The following GPAM variants were observed in gnomAD, a reference collection of about 807,000 sequenced individuals.
The protein encoded by GPAM is glycerol-3-phosphate acyltransferase 1, mitochondrial.
GPAM carries 56 observed loss-of-function variants against 105.0 expected under a neutral mutation model. That is an observed-to-expected ratio of 0.53 (90% CI 0.43 to 0.67). The LOEUF (loss-of-function observed/expected upper bound fraction) is 0.67. Among genes scored for constraint, GPAM ranks in the 30% least tolerant of loss-of-function variants. GPAM has a pLI of 0.00. For missense variants in GPAM, 855 were observed against 989.8 expected (o/e 0.86, Z 1.83); for synonymous variants, 368 against 354.4 (o/e 1.04, Z -0.43).
chr10:112,150,475 A>G lies in GPAM; in HGVS notation c.*3075T>C. ...TCTGCAGGGGAGGAAATACACATCT[A>G]TTCAACGCCACACTGGACGTTACAA... On this transcript the variant is annotated 3_prime_UTR_variant, in exon 22 of 22. Transcript: ENST00000348367. 2.0e-6 allele frequency: 2 copies of G among 985,422 alleles called. No homozygotes were observed. The highest frequency in any genetic ancestry group is 2.4e-6 in the Non-Finnish European group (2 of 829,546). 61.0% of individuals were successfully genotyped at this position (985,422 alleles called of 1,614,324 possible). A position where few individuals can be genotyped will look rare whatever the true frequency, so the allele number is the denominator to read the frequency against.
At chr10:112,159,739 C>T (rs1363921338) in intron 17 of GPAM, among the ~76,000 whole-genome samples, 172 bp downstream of exon 17, 2 of 152,156 alleles carry the variant, frequency 1.3e-5, no homozygotes. Context: ...ACCCAGAGAG[C>T]AAACCAAGAT....
At chr10:112,217,583 G>A (rs183259589), upstream of GPAM, among the ~76,000 whole-genome samples, 3 of 152,144 alleles carry the variant, frequency 2.0e-5, no homozygotes, top group Non-Finnish European at 4.4e-5. Flanking sequence ...GTCATTAAAG[G>A]GCTTCTCTCC....
intron 6 of GPAM, among the ~76,000 whole-genome samples, chr10:112,174,893 G>A (rs748443552): frequency 1.6e-4 from 25 of 152,096 alleles, no homozygotes; most frequent in South Asian, 4.1e-4. Flanking sequence ...CAAACATAAC[G>A]AAGAGTCTAC....
chr10:112,200,977 T>G (rs1164554228), intron 1 of GPAM, among the ~76,000 whole-genome samples: 2 of 152,248 alleles, frequency 1.3e-5, no homozygotes, highest in Admixed American at 6.5e-5. Flanking sequence ...GAATTCTGAG[T>G]GACCCTAGAG....
At chr10:112,180,905 T>A (rs1005468937) in intron 3 of GPAM, among the ~76,000 whole-genome samples, 4 of 152,198 alleles carry the variant, frequency 2.6e-5, no homozygotes, top group Non-Finnish European at 5.9e-5. Context: ...ATCTCTAGTC[T>A]AACAATTAAC....
chr10:112,162,838 G>T (rs971618362), intron 14 of GPAM, among the ~76,000 whole-genome samples: 1 of 152,178 alleles, frequency 6.6e-6, no homozygotes, highest in South Asian at 2.1e-4. Flanking sequence ...TAACAATAAG[G>T]TATTATTTTT....
Position 112,179,556 on chromosome 10 carries a change from TAACATA to T in GPAM, c.225+911_225+916del, listed in dbSNP as rs371902603. Among the ~76,000 whole-genome samples, 648 of 152,306 alleles carry T rather than the reference TAACATA, an allele frequency of 4.3e-3. 2 individuals carry two copies. The highest frequency in any genetic ancestry group is 0.015 in the African/African-American group (619 of 41,576). On this transcript the variant is annotated intron_variant, in intron 4 of 21. Coordinates refer to ENST00000348367, the MANE Select transcript of GPAM (RefSeq NM_001244949.2). ...ACATTCTTCAGCAGATCTGAACATT[TAACATA>T]AACTGCTTGGGTTCCACACAAATCT...
chr10:112,180,648 T>C (rs747233383), intron 3 of GPAM, 53 bp from the exon 4 acceptor site: 8 of 1,464,868 alleles, frequency 5.5e-6, no homozygotes, highest in African/African-American at 1.4e-5. Flanking sequence ...AGAATACTTG[T>C]CTACTTGATC....
At chr10:112,209,786 G>T (rs752498434) in intron 1 of GPAM, among the ~76,000 whole-genome samples, 22 of 152,194 alleles carry the variant, frequency 1.4e-4, no homozygotes, top group Non-Finnish European at 2.5e-4. Flanking sequence ...CTTTCCTGCA[G>T]AATGTCCAGC....
At chr10:112,159,636 G>C (rs548027751) in intron 17 of GPAM, among the ~76,000 whole-genome samples, 1 of 152,060 alleles carries the variant, frequency 6.6e-6, no homozygotes, top group Non-Finnish European at 1.5e-5. Context: ...CACACAATAC[G>C]TGCTCACTAG....
At chr10:112,223,370 T>G in the GPAM span, among the ~76,000 whole-genome samples, 8 of 152,216 alleles carry the variant, frequency 5.3e-5, no homozygotes, top group Non-Finnish European at 1.0e-4. Flanking sequence ...GTCTTGCACA[T>G]GAAAAAAATT....
intron 16 of GPAM, 134 bp from the exon 17 acceptor site, chr10:112,160,187 C>G: frequency 2.0e-6 from 2 of 978,890 alleles, no homozygotes; most frequent in Non-Finnish European, 3.1e-6. Flanking sequence ...TTAAGTAAAT[C>G]CCATAAGACT....
intron 3 of GPAM, among the ~76,000 whole-genome samples, chr10:112,181,399 GA>G (rs372748387): frequency 3.3e-5 from 5 of 151,184 alleles, no homozygotes; most frequent in African/African-American, 9.7e-5. Context: ...GAGAAAGAAA[GA>G]AAAAAAAATT....
chr10:112,223,624 T>C, the GPAM span, among the ~76,000 whole-genome samples: 25 of 152,332 alleles, frequency 1.6e-4, no homozygotes, highest in South Asian at 4.1e-4. Flanking sequence ...TCTTCCTTCC[T>C]CCTTCATGGA....
chr10:112,221,501 A>C, the GPAM span, among the ~76,000 whole-genome samples: 1 of 152,218 alleles, frequency 6.6e-6, no homozygotes, highest in Non-Finnish European at 1.5e-5. Context: ...TCTGCATTTT[A>C]ACAGAATGCC....
intron 1 of GPAM, among the ~76,000 whole-genome samples, chr10:112,207,741 C>T (rs1847867142): frequency 6.6e-6 from 1 of 152,130 alleles, no homozygotes; most frequent in African/African-American, 2.4e-5. Context: ...AAGCAAGAGA[C>T]AGGCAGAGGG....
At chr10:112,156,191 C>CT (rs1847015496) in intron 19 of GPAM, 138 bp from the exon 20 acceptor site, 1 of 691,786 alleles carries the variant, frequency 1.4e-6, no homozygotes, top group Non-Finnish European at 2.6e-6. Context: ...AAGCGGCCCC[C>CT]TGCCCCTCAT....
chr10:112,155,617 A>T, intron 20 of GPAM: 1 of 415,852 alleles, frequency 2.4e-6, no homozygotes, highest in Non-Finnish European at 4.4e-6. Flanking sequence ...ACACAACAAG[A>T]ACAAAGGAAC....
At chr10:112,225,544 A>G in the GPAM span, among the ~76,000 whole-genome samples, 2 of 152,178 alleles carry the variant, frequency 1.3e-5, no homozygotes, top group African/African-American at 4.8e-5. Context: ...CAAAGGGGAA[A>G]GAATATTCTG....
Sources: allele counts gnomAD v4.1 joint callset (sites outside exome capture counted in the v4.1 genomes callset), GRCh38; gene constraint gnomAD v4.1.1; transcripts MANE v1.5; gene names NCBI Gene and HGNC (gene_info 2026-07-23, HGNC 2026-07-21).